GRIP1: variants seen among roughly 807,000 people sequenced by gnomAD.
GRIP1 encodes glutamate receptor-interacting protein 1.
Under a neutral mutation model 129.9 loss-of-function variants are expected in GRIP1, and 45 were observed. The ratio of observed to expected loss-of-function variants is 0.35; its 90% CI spans 0.27 to 0.44. The LOEUF (loss-of-function observed/expected upper bound fraction) is 0.44, where lower values mean the gene tolerates loss of function less well. GRIP1 is among the 20% of genes least tolerant of loss of function. The pLI, the probability that GRIP1 is intolerant of heterozygous loss-of-function variation, is 1.00. For synonymous variants in GRIP1, 530 were observed against 520.8 expected, an observed-to-expected ratio of 1.02 and a Z score of -0.24; for missense variants, 1,196 against 1,396.8, an observed-to-expected ratio of 0.86 and a Z score of 2.29.
chr12:66,838,305 T>C (rs1444909973), intron 1 of GRIP1, among the ~76,000 whole-genome samples: 1 of 152,094 alleles, frequency 6.6e-6, no homozygotes, highest in Non-Finnish European at 1.5e-5. Context: ...TTGGGTACCA[T>C]TTGTTTCTAT....
At chr12:67,053,753 A>C (rs1182213403) in intron 1 of GRIP1, among the ~76,000 whole-genome samples, 4 of 151,864 alleles carry the variant, frequency 2.6e-5, no homozygotes, top group Admixed American at 2.0e-4. Context: ...CAGGAGAATC[A>C]CTTGAACCTG....
At chr12:66,628,338 G>A (rs1231354934) in intron 1 of GRIP1, among the ~76,000 whole-genome samples, 1 of 152,122 alleles carries the variant, frequency 6.6e-6, no homozygotes, top group Non-Finnish European at 1.5e-5. Context: ...GTGTACCTAG[G>A]CCTCCAGTGA....
intron 1 of GRIP1, among the ~76,000 whole-genome samples, chr12:66,643,884 C>A (rs139381460): frequency 1.3e-5 from 2 of 152,092 alleles, no homozygotes; most frequent in African/African-American, 4.8e-5. Flanking sequence ...TTTATCCTTA[C>A]GTATTTTCTG....
At chr12:66,639,768 A>G (rs1379073567) in intron 1 of GRIP1, among the ~76,000 whole-genome samples, 2 of 152,306 alleles carry the variant, frequency 1.3e-5, no homozygotes, top group Admixed American at 6.5e-5. Flanking sequence ...CCTCATTGCC[A>G]TTTTTCTATT....
intron 1 of GRIP1, among the ~76,000 whole-genome samples, chr12:66,745,852 T>C (rs1021429322): frequency 6.6e-6 from 1 of 152,104 alleles, no homozygotes. Context: ...CAGAGTATAG[T>C]CTGTAAGGTC....
chr12:66,777,188 C>T (rs908669028), intron 1 of GRIP1, among the ~76,000 whole-genome samples: 22 of 152,290 alleles, frequency 1.4e-4, no homozygotes, highest in African/African-American at 4.8e-4. Context: ...GGCAAAGCCA[C>T]ACAGGATCTG....
At chr12:66,854,438 T>C (rs1453694039) in intron 1 of GRIP1, among the ~76,000 whole-genome samples, 1 of 151,946 alleles carries the variant, frequency 6.6e-6, no homozygotes, top group Non-Finnish European at 1.5e-5. Context: ...ATTTTCAGTG[T>C]AATTTAGATA....
At chr12:66,692,306 C>G (rs2035008463) in intron 1 of GRIP1, among the ~76,000 whole-genome samples, 1 of 152,012 alleles carries the variant, frequency 6.6e-6, no homozygotes, top group Admixed American at 6.6e-5. Flanking sequence ...ATTGTGTAAC[C>G]CTGTAGGAAG....
intron 1 of GRIP1, among the ~76,000 whole-genome samples, chr12:66,634,975 CA>C: frequency 6.6e-6 from 1 of 152,244 alleles, no homozygotes; most frequent in Admixed American, 6.5e-5. Flanking sequence ...ATTATTTGTT[CA>C]TTTGGCTATT....
intron 1 of GRIP1, among the ~76,000 whole-genome samples, chr12:66,723,236 C>T (rs900851718): frequency 0.019 from 248 of 12,724 alleles, 17 homozygotes; most frequent in Middle Eastern, 0.088. Flanking sequence ...CTCTCTCTCT[C>T]TCTCTTCCTT....
chr12:66,392,379 G>A lies in GRIP1; in HGVS notation c.2393C>T (p.Thr798Met), dbSNP rs200363939. 1.6e-4 allele frequency: 252 copies of A among 1,613,722 alleles called. 1 individual carries two copies. The highest frequency in any genetic ancestry group is 1.9e-4 in the South Asian group (17 of 91,070). ...CACAGCACTGTCCACACTGGGCACC[G>A]TGGAGGGGTACATGTCGGAGAGCTT... ...PGKLSDMYPS[T>M]VPSVDSAVDS... Residue 798 changes from threonine (T) to methionine (M), a missense_variant, in exon 19 of 25, where the codon ACG becomes ATG. Thr to Met is a moderately conservative substitution (Grantham distance 81, BLOSUM62 -1). Coordinates refer to ENST00000359742, the MANE Select transcript of GRIP1 (RefSeq NM_001366722.1).
chr12:66,349,111 G>T lies in GRIP1; in HGVS notation c.3295C>A (p.Pro1099Thr). Residue 1099 changes from proline (P) to threonine (T), a missense_variant, in exon 25 of 25, where the codon CCA becomes ACA. Physicochemically the swap from Pro to Thr is conservative, Grantham distance 38 (BLOSUM62 -1). Around this residue, in one of 5 missense-constraint regions of GRIP1, gnomAD observed 427 missense variants for 463.3 expected, o/e 0.92. Coordinates refer to ENST00000359742, the MANE Select transcript of GRIP1 (RefSeq NM_001366722.1). Reference sequence around the variant, plus strand: ...CTGTTCTGTTCACTCCAATCTCCTGGTAGACTCTGTTGGTCTATAGACTTC... The same window carrying T: ...CTGTTCTGTTCACTCCAATCTCCTGTTAGACTCTGTTGGTCTATAGACTTC... ...SQKSIDQQSLPGDWSEQNSAF... is the reference protein window; with the variant it reads ...SQKSIDQQSLTGDWSEQNSAF... 6.2e-7 allele frequency: 1 copy of T among 1,614,006 alleles called. No homozygotes were observed. Among genetic ancestry groups the T allele is most frequent in the Non-Finnish European group, 8.5e-7 (1 of 1,179,916 alleles).
At chr12:66,354,224 C>A (rs761582474) in intron 23 of GRIP1, among the ~76,000 whole-genome samples, 7 of 152,196 alleles carry the variant, frequency 4.6e-5, no homozygotes, top group South Asian at 4.1e-4. Context: ...GCCTGCCCCC[C>A]ACCCCGGGTC....
chr12:67,022,979 A>G (rs2042890230), intron 1 of GRIP1, among the ~76,000 whole-genome samples: 1 of 152,142 alleles, frequency 6.6e-6, no homozygotes, highest in Non-Finnish European at 1.5e-5. Flanking sequence ...TACCTGTTCA[A>G]ACCTTTTGCC....
At chr12:66,695,225 T>C (rs2035115058) in intron 1 of GRIP1, among the ~76,000 whole-genome samples, 1 of 151,746 alleles carries the variant, frequency 6.6e-6, no homozygotes, top group Admixed American at 6.6e-5. Context: ...GGGAAGACAC[T>C]TTTCTCAAAG....
chr12:66,460,929 T>C (rs2138299280), intron 9 of GRIP1, among the ~76,000 whole-genome samples: 1 of 152,364 alleles, frequency 6.6e-6, no homozygotes, highest in East Asian at 1.9e-4. Flanking sequence ...CCAAGTCTGA[T>C]TTTAATGTGC....
chr12:66,406,647 T>G (rs1489599315), intron 15 of GRIP1, among the ~76,000 whole-genome samples: 4 of 152,346 alleles, frequency 2.6e-5, no homozygotes, highest in Middle Eastern at 3.4e-3. Flanking sequence ...ACATTTTTTC[T>G]TATACTTTTT....
intron 1 of GRIP1, among the ~76,000 whole-genome samples, chr12:66,774,366 T>C (rs565067214): frequency 6.6e-6 from 1 of 152,282 alleles, no homozygotes; most frequent in South Asian, 2.1e-4. Context: ...ACAGTTTATA[T>C]AGACAGAAAT....
At chr12:67,049,616 G>C (rs182106529) in intron 1 of GRIP1, among the ~76,000 whole-genome samples, 28 of 151,992 alleles carry the variant, frequency 1.8e-4, no homozygotes, top group African/African-American at 6.3e-4. Context: ...ATGCAAATGG[G>C]GCTTAAAACC....
Sources: allele counts gnomAD v4.1 joint callset (sites outside exome capture counted in the v4.1 genomes callset), GRCh38; gene constraint gnomAD v4.1.1; regional missense constraint gnomAD v4.1.1; transcripts MANE v1.5; gene names NCBI Gene and HGNC (gene_info 2026-07-23, HGNC 2026-07-21).